The following TTC27 variants were observed in gnomAD, a reference collection of about 807,000 sequenced individuals.
The protein encoded by TTC27 is tetratricopeptide repeat protein 27.
In TTC27, 79 loss-of-function variants were observed where a neutral mutation model predicts 115.9. The ratio of observed to expected loss-of-function variants is 0.68; its 90% CI spans 0.57 to 0.82. The LOEUF (loss-of-function observed/expected upper bound fraction) is 0.82. Ranked by LOEUF, TTC27 falls within the 40% of genes least tolerant of loss-of-function variation. The probability of loss-of-function intolerance (pLI) is 0.00; values close to 1 mark genes in which losing one functional copy is unlikely to be tolerated. For synonymous variants in TTC27, 401 were observed against 356.0 expected, an observed-to-expected ratio of 1.13 and a Z score of -1.42; for missense variants, 1,054 against 993.1, an observed-to-expected ratio of 1.06 and a Z score of -0.82.
intron 4 of TTC27, among the ~76,000 whole-genome samples, chr2:32,641,139 A>G (rs1176084725): frequency 1.3e-5 from 2 of 152,292 alleles, no homozygotes; most frequent in Admixed American, 1.3e-4. Context: ...TTATGTCATT[A>G]TTTGGGTTGG....
Position 32,743,239 on chromosome 2 carries a change from A to G in TTC27, c.1452+6423A>G, listed in dbSNP as rs1009942476. 3.9e-5 allele frequency among the ~76,000 whole-genome samples: 6 copies of G among 152,136 alleles called. No homozygotes were observed. The East Asian group carries it at 1.2e-3, about 29-fold the overall frequency. On this transcript the variant is annotated intron_variant, in intron 12 of 19. Coordinates refer to ENST00000317907, the MANE Select transcript of TTC27 (RefSeq NM_017735.5). ...TTTTAATTCTTTCCATTAATTCACA[A>G]AATTTCCGCTAATTCACAAAGTTAA...
intron 10 of TTC27, among the ~76,000 whole-genome samples, chr2:32,709,364 A>C: frequency 6.6e-6 from 1 of 152,214 alleles, no homozygotes; most frequent in Non-Finnish European, 1.5e-5. Context: ...ACTGGTGATA[A>C]AACTGTTGAT....
At position 32,682,668 on chromosome 2, in the gene TTC27, CTTTTTTTT is replaced by C. The variant is rs3077159; in HGVS notation, c.1119+3756_1119+3763del. 8.6e-5 allele frequency among the ~76,000 whole-genome samples: 11 copies of C among 127,536 alleles called. No homozygotes were observed. The East Asian group carries it at 9.3e-4, about 11-fold the overall frequency. The allele number at this position is 127,536 out of a possible 152,430, so 83.7% of individuals were successfully genotyped here. ...ATAGAAGAGCAAATATAATAGAAGT[CTTTTTTTT>C]TTTTTTTTTGAAATGGAGTTTTGCT... On this transcript the variant is annotated intron_variant, in intron 9 of 19. Transcript: ENST00000317907.
In TTC27 at chr2:32,717,130, C is replaced by T. The variant is rs112913317; in HGVS notation, c.1233+14210C>T. ...GTGATCCTCCTGTTTCAGCCCCCCA[C>T]GCCCAACTAATTTGTAATATTTTTT... On this transcript the variant is annotated intron_variant, in intron 10 of 19. Transcript: ENST00000317907. 9.4e-3 allele frequency among the ~76,000 whole-genome samples: 1,428 copies of T among 151,754 alleles called. 23 individuals are homozygous for T. Among genetic ancestry groups the T allele is most frequent in the African/African-American group, 0.033 (1,354 of 41,348 alleles).
chr2:32,655,257 T>A (rs1665276517), intron 5 of TTC27, among the ~76,000 whole-genome samples: 2 of 152,142 alleles, frequency 1.3e-5, no homozygotes, highest in Non-Finnish European at 2.9e-5. Flanking sequence ...CCCAAAGTGC[T>A]GGTATTACAG....
chr2:32,754,884 C>T (rs958136552), intron 12 of TTC27, among the ~76,000 whole-genome samples: 5 of 149,854 alleles, frequency 3.3e-5, no homozygotes, highest in Non-Finnish European at 6.0e-5. Flanking sequence ...GCTGACCCCC[C>T]CCACCTCCCT....
chr2:32,758,024 G>A (rs1213967756), intron 12 of TTC27, among the ~76,000 whole-genome samples: 1 of 152,146 alleles, frequency 6.6e-6, no homozygotes, highest in Non-Finnish European at 1.5e-5. Context: ...TATGTGTGCT[G>A]GAAATCAAAA....
At chr2:32,704,670 C>T (rs912242420) in intron 10 of TTC27, among the ~76,000 whole-genome samples, 1 of 152,094 alleles carries the variant, frequency 6.6e-6, no homozygotes. Context: ...CTCTCAGGCT[C>T]CTTTATTCCA....
At chr2:32,643,137 T>C (rs2151865030) in intron 4 of TTC27, among the ~76,000 whole-genome samples, 1 of 152,146 alleles carries the variant, frequency 6.6e-6, no homozygotes, top group South Asian at 2.1e-4. Context: ...GCCTGGCTAA[T>C]TGAAGGTTTT....
chr2:32,736,623 A>T, intron 11 of TTC27, 71 bp from the exon 12 acceptor site: 1 of 1,576,348 alleles, frequency 6.3e-7, no homozygotes, highest in Admixed American at 1.7e-5. Context: ...CAGATTAGGT[A>T]CACCTGCAAG....
intron 13 of TTC27, among the ~76,000 whole-genome samples, chr2:32,766,703 A>G (rs527626765): frequency 6.6e-6 from 1 of 152,344 alleles, no homozygotes; most frequent in South Asian, 2.1e-4. Flanking sequence ...TGTGACAGAG[A>G]CACGAAGTAA....
At chr2:32,790,895 G>A (rs1352712539) in intron 16 of TTC27, among the ~76,000 whole-genome samples, 1 of 152,146 alleles carries the variant, frequency 6.6e-6, no homozygotes, top group East Asian at 1.9e-4. Context: ...CATATTGTCA[G>A]CAAATAGAGA....
rs755993380 is a variant in TTC27, at chr2:32,678,891, TAAC to T, written c.1089_1091del (p.Leu363_Thr364delinsPhe). ...CAAAAGAATAACCCAGTGCACACAT[TAAC>T]TGAAGTGGAGCTTCTGGCATTTACA... On this transcript the variant is annotated inframe_deletion, in exon 9 of 20. Transcript: ENST00000317907. The T allele has an allele frequency of 5.6e-6, 9 of 1,613,588 alleles. No homozygotes were observed. In the South Asian group the frequency reaches 9.9e-5, roughly 18 times the overall value.
chr2:32,806,968 A>G (rs1193798697), intron 16 of TTC27, among the ~76,000 whole-genome samples: 2 of 152,206 alleles, frequency 1.3e-5, no homozygotes, highest in South Asian at 2.1e-4. Flanking sequence ...TATGCAAATC[A>G]TAAGTAAACA....
At chr2:32,719,452 G>A (rs151196917) in intron 10 of TTC27, among the ~76,000 whole-genome samples, 1,575 of 152,242 alleles carry the variant, frequency 0.01, 12 homozygotes, top group Middle Eastern at 0.024. Context: ...TTAACACAGG[G>A]CCTCCTTTTA....
At chr2:32,667,311 A>T (rs1180338490) in intron 7 of TTC27, among the ~76,000 whole-genome samples, 1 of 151,490 alleles carries the variant, frequency 6.6e-6, no homozygotes, top group African/African-American at 2.4e-5. Context: ...AGTTTGAATT[A>T]TGACTCTTGG....
intron 1 of TTC27, among the ~76,000 whole-genome samples, chr2:32,630,057 A>T (rs1327361954): frequency 6.6e-6 from 1 of 152,224 alleles, no homozygotes; most frequent in African/African-American, 2.4e-5. Flanking sequence ...GCGATATCAC[A>T]AGTGCAAAGT....
At chr2:32,710,427 C>CTT (rs10651873) in intron 10 of TTC27, among the ~76,000 whole-genome samples, 44,795 of 129,686 alleles carry the variant, frequency 0.35, 9,457 homozygotes, top group African/African-American at 0.57. Flanking sequence ...AAGTATATAG[C>CTT]TTTTTTTTTT....
intron 5 of TTC27, among the ~76,000 whole-genome samples, chr2:32,663,695 T>C (rs1665647321): frequency 6.6e-6 from 1 of 151,884 alleles, no homozygotes; most frequent in African/African-American, 2.4e-5. Context: ...TATTTATTTA[T>C]TTATTTGGAG....
Sources: gnomAD v4.1 joint callset for allele counts (sites outside exome capture counted in the v4.1 genomes callset) on GRCh38, gnomAD v4.1.1 for gene constraint, MANE v1.5 for transcripts, NCBI Gene and HGNC (gene_info 2026-07-23, HGNC 2026-07-21) for gene names.